Variants in NRXN3 observed in about 807,000 individuals in gnomAD.
NRXN3 encodes the protein neurexin 3.
NRXN3 carries 32 observed loss-of-function variants against 137.6 expected under a neutral mutation model. The observed-to-expected ratio is 0.23, with a 90% CI of 0.18 to 0.31. The LOEUF is 0.31. Among genes scored for constraint, NRXN3 ranks in the 10% least tolerant of loss-of-function variants. The pLI, the probability that NRXN3 is intolerant of heterozygous loss-of-function variation, is 1.00. For missense variants in NRXN3, 1,574 were observed against 2,062.5 expected, an observed-to-expected ratio of 0.76 and a Z score of 4.59; for synonymous variants, 798 against 784.5, an observed-to-expected ratio of 1.02 and a Z score of -0.29.
intron 10 of NRXN3, among the ~76,000 whole-genome samples, chr14:78,882,360 T>C (rs2099131577): frequency 6.6e-6 from 1 of 151,632 alleles, no homozygotes; most frequent in South Asian, 2.1e-4. Context: ...ATTATGTGGC[T>C]GGAAAAGCTG....
intron 4 of NRXN3, among the ~76,000 whole-genome samples, chr14:78,320,130 A>G (rs569270965): frequency 4.6e-5 from 7 of 152,326 alleles, no homozygotes; most frequent in African/African-American, 1.7e-4. Flanking sequence ...AGCTGTAAGT[A>G]GAGCTAGTTA....
chr14:78,376,003 T>TACACACACACACACACACAC (rs10623539), intron 4 of NRXN3, among the ~76,000 whole-genome samples: 2 of 146,718 alleles, frequency 1.4e-5, no homozygotes, highest in African/African-American at 5.1e-5. Flanking sequence ...TCCTCCTTGA[T>TACACACACACACACACACAC]ACACACACAC....
At chr14:78,312,973 G>A (rs1346945207) in intron 4 of NRXN3, among the ~76,000 whole-genome samples, 1 of 152,174 alleles carries the variant, frequency 6.6e-6, no homozygotes, top group Non-Finnish European at 1.5e-5. Context: ...TTACAAGAGT[G>A]ATTTAGTTCT....
At chr14:78,705,483 C>CT (rs2098337194) in intron 6 of NRXN3, among the ~76,000 whole-genome samples, 1 of 152,162 alleles carries the variant, frequency 6.6e-6, no homozygotes, top group Non-Finnish European at 1.5e-5. Context: ...CCCTCCTGTC[C>CT]TTTTCCTCTT....
chr14:79,180,236 C>G (rs1428448937), intron 15 of NRXN3, among the ~76,000 whole-genome samples: 1 of 152,120 alleles, frequency 6.6e-6, no homozygotes, highest in East Asian at 1.9e-4. Context: ...ACAATGTAGT[C>G]CAGTTGCCAT....
intron 1 of NRXN3, among the ~76,000 whole-genome samples, chr14:78,234,994 T>TCATATATATATATATA: frequency 9.2e-6 from 1 of 108,784 alleles, no homozygotes; most frequent in African/African-American, 3.3e-5. Context: ...ACAAATGCTT[T>TCATATATATATATATA]TATATATATA....
intron 15 of NRXN3, among the ~76,000 whole-genome samples, chr14:79,069,493 A>C (rs778402943): frequency 9.9e-5 from 15 of 152,002 alleles, no homozygotes; most frequent in Non-Finnish European, 8.8e-5. Context: ...AACTTGTTTG[A>C]CAGTGCTAAG....
intron 8 of NRXN3, among the ~76,000 whole-genome samples, chr14:78,752,814 C>T (rs566582555): frequency 1.7e-4 from 26 of 152,076 alleles, no homozygotes; most frequent in East Asian, 5.8e-4. Context: ...GGTCATTTCA[C>T]GCAGGGGGTT....
intron 4 of NRXN3, among the ~76,000 whole-genome samples, chr14:78,317,990 A>T (rs2078910442): frequency 6.6e-6 from 1 of 152,206 alleles, no homozygotes. Context: ...GGAAATGGAT[A>T]TTGAGTTGCA....
intron 15 of NRXN3, among the ~76,000 whole-genome samples, chr14:79,243,840 G>T (rs2074723028): frequency 6.6e-6 from 1 of 152,102 alleles, no homozygotes; most frequent in South Asian, 2.1e-4. Flanking sequence ...TGATGGAAAT[G>T]TCATTATGTA....
chr14:79,809,441 A>G (rs2099223569), intron 20 of NRXN3, among the ~76,000 whole-genome samples: 1 of 152,068 alleles, frequency 6.6e-6, no homozygotes, highest in East Asian at 1.9e-4. Context: ...GCCTGGCCAA[A>G]ACCTACATTT....
intron 15 of NRXN3, among the ~76,000 whole-genome samples, chr14:79,111,465 A>C (rs978576415): frequency 1.3e-5 from 2 of 152,128 alleles, no homozygotes; most frequent in Non-Finnish European, 2.9e-5. Flanking sequence ...AGGGCTGGGC[A>C]CAGTGGCTCA....
intron 15 of NRXN3, among the ~76,000 whole-genome samples, chr14:79,446,653 TTTCC>T (rs2096068800): frequency 6.6e-6 from 1 of 152,044 alleles, no homozygotes; most frequent in South Asian, 2.1e-4. Context: ...TCTTTTCTCC[TTTCC>T]TTCCTTTCTT....
At chr14:78,779,380 A>G (rs2098760272) in intron 8 of NRXN3, among the ~76,000 whole-genome samples, 2 of 152,120 alleles carry the variant, frequency 1.3e-5, no homozygotes, top group Admixed American at 6.5e-5. Flanking sequence ...CCTCAAAAAC[A>G]AGAAGCTACC....
At chr14:79,561,639 C>T (rs993896489) in intron 16 of NRXN3, among the ~76,000 whole-genome samples, 1 of 152,056 alleles carries the variant, frequency 6.6e-6, no homozygotes, top group Non-Finnish European at 1.5e-5. Context: ...AATCAGGACA[C>T]TCTTATGAAC....
intron 15 of NRXN3, among the ~76,000 whole-genome samples, chr14:79,251,923 A>G (rs921504967): frequency 6.6e-6 from 1 of 151,608 alleles, no homozygotes; most frequent in Non-Finnish European, 1.5e-5. Context: ...AGCTCAAGCA[A>G]TTCTCTCACT....
At chr14:79,547,201 C>G (rs1310416714) in intron 16 of NRXN3, among the ~76,000 whole-genome samples, 1 of 152,146 alleles carries the variant, frequency 6.6e-6, no homozygotes, top group African/African-American at 2.4e-5. Flanking sequence ...AGATCGGGTG[C>G]TCTTATAAAA....
At chr14:79,141,583 A>G (rs1352749350) in intron 15 of NRXN3, among the ~76,000 whole-genome samples, 2 of 152,182 alleles carry the variant, frequency 1.3e-5, no homozygotes. Context: ...ATCAGTGAAC[A>G]ATATTATAGG....
At chr14:78,774,257 A>G (rs2098738117) in intron 8 of NRXN3, among the ~76,000 whole-genome samples, 1 of 152,192 alleles carries the variant, frequency 6.6e-6, no homozygotes, top group Non-Finnish European at 1.5e-5. Context: ...TGTTAAATAA[A>G]TTTTAAAGTA....
Sources: gnomAD v4.1 joint callset for allele counts (sites outside exome capture counted in the v4.1 genomes callset) on GRCh38, gnomAD v4.1.1 for gene constraint, MANE v1.5 for transcripts, NCBI Gene and HGNC (gene_info 2026-07-23, HGNC 2026-07-21) for gene names.